DPP10: variants seen among roughly 807,000 people sequenced by gnomAD.
The protein encoded by DPP10 is inactive dipeptidyl peptidase 10.
DPP10 carries 33 observed loss-of-function variants against 120.9 expected under a neutral mutation model. That is an observed-to-expected ratio of 0.27 (90% CI 0.21 to 0.37). DPP10 has a LOEUF of 0.37. DPP10 is among the 10% of genes least tolerant of loss of function. The probability of loss-of-function intolerance (pLI) is 1.00; values close to 1 mark genes in which losing one functional copy is unlikely to be tolerated. For missense variants in DPP10, 816 were observed against 942.8 expected, an observed-to-expected ratio of 0.87 and a Z score of 1.76; for synonymous variants, 337 against 326.1, an observed-to-expected ratio of 1.03 and a Z score of -0.36.
At chr2:115,277,590 C>G (rs2059972834) in intron 1 of DPP10, among the ~76,000 whole-genome samples, 1 of 149,786 alleles carries the variant, frequency 6.7e-6, no homozygotes, top group African/African-American at 2.5e-5. Flanking sequence ...TCCTTGAATA[C>G]ATATGAAAGA....
intron 1 of DPP10, among the ~76,000 whole-genome samples, chr2:115,308,599 A>G (rs1014744924): frequency 1.3e-5 from 2 of 151,860 alleles, no homozygotes; most frequent in Non-Finnish European, 2.9e-5. Context: ...CCCATCAACC[A>G]TACCTTTTTC....
intron 3 of DPP10, among the ~76,000 whole-genome samples, chr2:115,475,894 G>A (rs919012683): frequency 6.6e-6 from 1 of 152,172 alleles, no homozygotes; most frequent in Non-Finnish European, 1.5e-5. Context: ...TTTGGAAAGG[G>A]AATATTTACC....
At chr2:115,563,025 C>T (rs1195134091) in intron 5 of DPP10, among the ~76,000 whole-genome samples, 1 of 152,176 alleles carries the variant, frequency 6.6e-6, no homozygotes, top group Non-Finnish European at 1.5e-5. Context: ...TTTCAACTAC[C>T]TTTCCTGGAA....
intron 1 of DPP10, among the ~76,000 whole-genome samples, chr2:114,453,178 C>CAT (rs1157216137): frequency 1.3e-5 from 2 of 152,050 alleles, no homozygotes; most frequent in East Asian, 3.9e-4. Flanking sequence ...ATCTGACAGA[C>CAT]ATATAAGTTG....
chr2:114,987,746 T>C (rs1424982203), intron 1 of DPP10, among the ~76,000 whole-genome samples: 1 of 151,692 alleles, frequency 6.6e-6, no homozygotes, highest in East Asian at 1.9e-4. Flanking sequence ...TTGGATCTTA[T>C]TGAGGTTTTA....
At chr2:114,664,737 C>A (rs1458712968) in intron 1 of DPP10, among the ~76,000 whole-genome samples, 2 of 151,588 alleles carry the variant, frequency 1.3e-5, no homozygotes, top group Admixed American at 6.6e-5. Context: ...CATAGAGCAT[C>A]CAAAAGATGG....
At chr2:114,452,078 G>A (rs1458753862) in intron 1 of DPP10, among the ~76,000 whole-genome samples, 1 of 152,002 alleles carries the variant, frequency 6.6e-6, no homozygotes, top group African/African-American at 2.4e-5. Context: ...TTTGACTAAT[G>A]CCAATCATTT....
At chr2:115,516,354 AAT>A (rs2077501962) in intron 4 of DPP10, among the ~76,000 whole-genome samples, 1 of 152,072 alleles carries the variant, frequency 6.6e-6, no homozygotes, top group African/African-American at 2.4e-5. Context: ...CAGGGATGTA[AAT>A]CTAAAATTAT....
chr2:115,504,293 T>TG (rs2076835171), intron 4 of DPP10, among the ~76,000 whole-genome samples: 1 of 151,178 alleles, frequency 6.6e-6, no homozygotes, highest in Non-Finnish European at 1.5e-5. Flanking sequence ...TTTTTTTTTT[T>TG]TACTAGGAAG....
At chr2:115,488,623 CG>C (rs1448958276) in intron 3 of DPP10, among the ~76,000 whole-genome samples, 3 of 68,396 alleles carry the variant, frequency 4.4e-5, no homozygotes, top group East Asian at 4.3e-4. Flanking sequence ...AGTAAACTAT[CG>C]CAAGAACAAA....
intron 3 of DPP10, among the ~76,000 whole-genome samples, chr2:115,427,761 G>A (rs991787338): frequency 6.6e-6 from 1 of 152,178 alleles, no homozygotes; most frequent in Non-Finnish European, 1.5e-5. Flanking sequence ...TTTAGTAAAT[G>A]ATTGCTGCAC....
intron 1 of DPP10, among the ~76,000 whole-genome samples, chr2:114,790,984 A>C (rs1683195881): frequency 6.6e-6 from 1 of 152,218 alleles, no homozygotes; most frequent in African/African-American, 2.4e-5. Context: ...GTGTGACTAT[A>C]GAATATAAGA....
rs146501901 is a variant in DPP10 at position 114,695,262 on chromosome 2, G to C, written c.60+252424G>C. On this transcript the variant is annotated intron_variant, in intron 1 of 25. Transcript: ENST00000410059. The stretch of plus-strand genomic sequence containing the variant: ...GAAAGTGATAGAATCTATAGGACTT[G>C]ATGATTAATGGAATGTGAAATAGAG... 5.8e-4 allele frequency among the ~76,000 whole-genome samples: 89 copies of C among 152,146 alleles called. 1 individual carries two copies. The East Asian group carries it at 0.016, about 28-fold the overall frequency.
intron 1 of DPP10, among the ~76,000 whole-genome samples, chr2:114,469,135 A>C (rs1679682576): frequency 6.6e-6 from 1 of 152,106 alleles, no homozygotes; most frequent in Non-Finnish European, 1.5e-5. Flanking sequence ...CACTTGAGAG[A>C]GACAAAACAA....
rs984113222 is a variant in DPP10 at position 114,500,399 on chromosome 2, T to C, written c.60+57561T>C. ...TTTGTGGTATCAAAATATCTATGTC[T>C]CTGACAATTTTCACAACTTTACTTA... On this transcript the variant is annotated intron_variant, in intron 1 of 25. Transcript: ENST00000410059. Among the ~76,000 whole-genome samples the C allele has an allele frequency of 2.6e-5, 4 of 152,336 alleles. No individual in the cohort carries two copies. The East Asian group carries it at 7.7e-4, about 29-fold the overall frequency.
chr2:115,143,646 G>A (rs146454086), intron 1 of DPP10, among the ~76,000 whole-genome samples: 3 of 152,298 alleles, frequency 2.0e-5, no homozygotes, highest in African/African-American at 7.2e-5. Context: ...AGAGTCCAGT[G>A]GGCTTGATCT....
At chr2:115,128,917 G>A (rs2050204745) in intron 1 of DPP10, among the ~76,000 whole-genome samples, 1 of 152,114 alleles carries the variant, frequency 6.6e-6, no homozygotes, top group African/African-American at 2.4e-5. Flanking sequence ...CAAAAACCAC[G>A]AATAGATAAG....
chr2:114,781,370 CTG>C (rs1682309383), intron 1 of DPP10, among the ~76,000 whole-genome samples: 1 of 152,136 alleles, frequency 6.6e-6, no homozygotes. Context: ...AAGCCAAACA[CTG>C]TTTAAAATAT....
At chr2:115,667,383 G>A (rs2149430424) in intron 5 of DPP10, among the ~76,000 whole-genome samples, 1 of 151,978 alleles carries the variant, frequency 6.6e-6, no homozygotes, top group South Asian at 2.1e-4. Context: ...CATTTTTGTT[G>A]CAATTGCTTT....
Sources: allele counts gnomAD v4.1 joint callset (sites outside exome capture counted in the v4.1 genomes callset), GRCh38; gene constraint gnomAD v4.1.1; transcripts MANE v1.5; gene names NCBI Gene and HGNC (gene_info 2026-07-23, HGNC 2026-07-21).